The following ZNF607 variants were observed in gnomAD, a reference collection of about 807,000 sequenced individuals.
The protein encoded by ZNF607 is zinc finger protein 607.
Under a neutral mutation model 12.8 loss-of-function variants are expected in ZNF607, and 5 were observed. The observed-to-expected ratio is 0.39, with a 90% CI of 0.20 to 0.82. The LOEUF (loss-of-function observed/expected upper bound fraction) is 0.82. Among genes scored for constraint, ZNF607 ranks in the 40% least tolerant of loss-of-function variants. The pLI is 0.39. For missense variants in ZNF607, 851 were observed against 859.2 expected (o/e 0.99, Z 0.12); for synonymous variants, 287 against 276.2 (o/e 1.04, Z -0.39).
Position 37,702,383 on chromosome 19 carries a change from A to T in ZNF607, c.236-2488T>A, listed in dbSNP as rs577291745. ...TGATTGAAATTATAAACTAAAAAAC[A>T]AAGATTTTGGCAGGAAAAATATCTC... On this transcript the variant is annotated intron_variant, in intron 4 of 4. Coordinates refer to ENST00000355202, the MANE Select transcript of ZNF607 (RefSeq NM_032689.5). Among the ~76,000 whole-genome samples the T allele has an allele frequency of 3.3e-5, 5 of 152,208 alleles. No individual in the cohort carries two copies. The South Asian group carries it at 8.3e-4, about 25-fold the overall frequency.
intron 1 of ZNF607, among the ~76,000 whole-genome samples, chr19:37,713,376 T>C (rs1359244002): frequency 6.6e-6 from 1 of 152,022 alleles, no homozygotes; most frequent in East Asian, 1.9e-4. Flanking sequence ...TCAGTGATTG[T>C]CCCATTTCAA....
intron 1 of ZNF607, among the ~76,000 whole-genome samples, chr19:37,717,343 G>A (rs1442345083): frequency 1.3e-5 from 2 of 151,832 alleles, no homozygotes; most frequent in South Asian, 2.1e-4. Context: ...CCACCACCAC[G>A]CCCGGCTAAT....
At chr19:37,703,357 C>G (rs1410909833) in intron 4 of ZNF607, among the ~76,000 whole-genome samples, 2 of 151,232 alleles carry the variant, frequency 1.3e-5, no homozygotes, top group Non-Finnish European at 2.9e-5. Context: ...AGTAGTAGAC[C>G]TAAATGTAAT....
At chr19:37,705,813 TTCTC>T (rs1463641909) in intron 4 of ZNF607, among the ~76,000 whole-genome samples, 4 of 152,212 alleles carry the variant, frequency 2.6e-5, no homozygotes, top group Middle Eastern at 3.4e-3. Flanking sequence ...TTCTCTTCCT[TTCTC>T]TCTCTCCCCC....
rs139651004 is a variant in ZNF607 at position 37,697,175 on chromosome 19, C to T, written c.*865G>A. 4,675 of 736,154 alleles carry T rather than the reference C, an allele frequency of 6.4e-3. 96 individuals carry two copies. Among genetic ancestry groups the T allele is most frequent in the East Asian group, 0.041 (1,626 of 39,384 alleles). 45.6% of individuals were successfully genotyped at this position (736,154 alleles called of 1,614,324 possible). On this transcript the variant is annotated 3_prime_UTR_variant, in exon 5 of 5. Transcript: ENST00000355202. ...AATCTTTGCTACCAGTGATGACTGGCGCACTACGTGGTTGAGAACAGCAGT... is the reference window on the plus strand; with the variant it reads ...AATCTTTGCTACCAGTGATGACTGGTGCACTACGTGGTTGAGAACAGCAGT...
chr19:37,709,944 C>G (rs1026823870), intron 2 of ZNF607, 122 bp from the exon 3 acceptor site: 13 of 1,060,694 alleles, frequency 1.2e-5, no homozygotes, highest in African/African-American at 3.3e-5. Flanking sequence ...ATCATGAGGT[C>G]AAGAGATGAA....
Position 37,698,452 on chromosome 19 carries a change from G to A in ZNF607, c.1679C>T (p.Pro560Leu). Residue 560 changes from proline (P) to leucine (L), a missense_variant, in exon 5 of 5, where the codon CCC becomes CTC. Coordinates refer to ENST00000355202, the MANE Select transcript of ZNF607 (RefSeq NM_032689.5). Reference protein sequence around the residue: ...AHQNIHSAEKPYECKECGKAF... With the variant: ...AHQNIHSAEKLYECKECGKAF... ...CTTGCCACATTCCTTACATTCGTAG[G>A]GTTTCTCAGCGCTATGAATATTCTG... 1 of 1,614,062 alleles carries A rather than the reference G, an allele frequency of 6.2e-7. No homozygotes were observed. Among genetic ancestry groups the A allele is most frequent in the Non-Finnish European group, 8.5e-7 (1 of 1,180,028 alleles).
At chr19:37,715,527 C>T (rs943263500) in intron 1 of ZNF607, among the ~76,000 whole-genome samples, 3 of 151,496 alleles carry the variant, frequency 2.0e-5, no homozygotes, top group African/African-American at 7.3e-5. Context: ...AATTGCTGAA[C>T]CCAGGAGGTG....
chr19:37,709,320 A>T (rs950552100), intron 3 of ZNF607, among the ~76,000 whole-genome samples: 3 of 152,220 alleles, frequency 2.0e-5, no homozygotes, highest in Admixed American at 6.5e-5. Context: ...CTGCAAATGG[A>T]TCAGATAATA....
chr19:37,711,525 G>T (rs537201711), intron 2 of ZNF607, 85 bp downstream of exon 2: 10 of 1,405,026 alleles, frequency 7.1e-6, no homozygotes, highest in African/African-American at 1.4e-5. Context: ...TCTCACGAAG[G>T]TAACTTCAGG....
At chr19:37,700,160 GA>G (rs2045027476) in intron 4 of ZNF607, among the ~76,000 whole-genome samples, 1 of 152,124 alleles carries the variant, frequency 6.6e-6, no homozygotes, top group Non-Finnish European at 1.5e-5. Context: ...TACTCCCACT[GA>G]GGGCAATTTC....
chr19:37,699,935 A>C (rs1055640443), intron 4 of ZNF607, 40 bp from the exon 5 acceptor site: 10 of 1,415,088 alleles, frequency 7.1e-6, no homozygotes, highest in Middle Eastern at 2.5e-4. Context: ...TGGATGAGAA[A>C]ATGTCAATGT....
chr19:37,696,762 G>A lies in ZNF607; in HGVS notation c.*1278C>T. 7.6e-7 allele frequency: 1 copy of A among 1,317,878 alleles called. No homozygotes were observed. Among genetic ancestry groups the A allele is most frequent in the Non-Finnish European group, 1.1e-6 (1 of 919,436 alleles). 81.6% of individuals were successfully genotyped at this position (1,317,878 alleles called of 1,614,324 possible). Reference sequence around the variant, plus strand: ...CGTCCCCTGCAGTGGCCAGTGAGTTGGCGATCAGCTCAGCTGCCTTGGAGT... The same window carrying A: ...CGTCCCCTGCAGTGGCCAGTGAGTTAGCGATCAGCTCAGCTGCCTTGGAGT... On this transcript the variant is annotated 3_prime_UTR_variant, in exon 5 of 5. Transcript: ENST00000355202.
At chr19:37,718,135 T>C (rs1009081019) in intron 1 of ZNF607, among the ~76,000 whole-genome samples, 6 of 152,136 alleles carry the variant, frequency 3.9e-5, no homozygotes, top group Non-Finnish European at 7.4e-5. Context: ...TTAACAAACA[T>C]GTACAGGAAT....
At chr19:37,715,686 G>C (rs1272630931) in intron 1 of ZNF607, among the ~76,000 whole-genome samples, 1 of 151,616 alleles carries the variant, frequency 6.6e-6, no homozygotes, top group African/African-American at 2.4e-5. Context: ...AAACAAGGAA[G>C]ATACCACTCA....
Position 37,696,988 on chromosome 19 carries a change from G to C in ZNF607, c.*1052C>G. The C allele has an allele frequency of 1.4e-6, 1 of 707,994 alleles. No individual in the cohort carries two copies. Among genetic ancestry groups the C allele is most frequent in the East Asian group, 2.7e-5 (1 of 36,732 alleles). 43.9% of individuals were successfully genotyped at this position (707,994 alleles called of 1,614,324 possible). On this transcript the variant is annotated 3_prime_UTR_variant, in exon 5 of 5. Coordinates refer to ENST00000355202, the MANE Select transcript of ZNF607 (RefSeq NM_032689.5). ...GAGACCAGCTCCCTCTGGGTGATTA[G>C]TTCTCCAGCATCAAAGCGAGCCACC...
Position 37,709,745 on chromosome 19 carries a change from G to C in ZNF607, c.87C>G (p.Thr29=), listed in dbSNP as rs763220708. ...TCTCCATCATCACCTCCTGGTACAA[G>C]GTCTTCTGAACCAGGCTGAGATATT... ...EWEYLSLVQK[T]LYQEVMMENY... is the part of the protein sequence containing the mutation. Residue 29 remains threonine, a synonymous_variant, in exon 3 of 5, where the codon ACC becomes ACG. Coordinates refer to ENST00000355202, the MANE Select transcript of ZNF607 (RefSeq NM_032689.5). The C allele has an allele frequency of 6.2e-7, 1 of 1,613,926 alleles. No homozygotes were observed. Among genetic ancestry groups the C allele is most frequent in the African/African-American group, 1.3e-5 (1 of 74,920 alleles).
chr19:37,715,157 C>T (rs1411656035), intron 1 of ZNF607, among the ~76,000 whole-genome samples: 1 of 151,804 alleles, frequency 6.6e-6, no homozygotes, highest in Non-Finnish European at 1.5e-5. Flanking sequence ...CTGCCCACCT[C>T]AGCCTCCCAA....
intron 4 of ZNF607, among the ~76,000 whole-genome samples, chr19:37,705,699 A>C (rs1216033268): frequency 1.3e-5 from 2 of 151,792 alleles, no homozygotes; most frequent in African/African-American, 2.4e-5. Flanking sequence ...AAAAAAAAAA[A>C]AAAAAAACTT....
Sources: gnomAD v4.1 joint callset for allele counts (sites outside exome capture counted in the v4.1 genomes callset) on GRCh38, gnomAD v4.1.1 for gene constraint, MANE v1.5 for transcripts, NCBI Gene and HGNC (gene_info 2026-07-23, HGNC 2026-07-21) for gene names.